LRPPRC: variants seen among roughly 807,000 people sequenced by gnomAD.
The protein encoded by LRPPRC is leucine rich pentatricopeptide repeat containing, also known as leucine-rich PPR motif-containing protein, mitochondrial.
A neutral mutation model predicts 180.3 loss-of-function variants in LRPPRC; 120 were observed. The observed-to-expected ratio is 0.67, with a 90% CI of 0.57 to 0.77. LRPPRC has a LOEUF of 0.77. LRPPRC is among the 30% of genes least tolerant of loss of function. LRPPRC has a pLI of 0.00. For missense variants in LRPPRC, 2,012 were observed against 1,657.2 expected (o/e 1.21, Z -3.72); for synonymous variants, 723 against 600.0 (o/e 1.21, Z -3.00).
intron 11 of LRPPRC, among the ~76,000 whole-genome samples, chr2:43,971,589 G>C (rs780609683): frequency 1.4e-5 from 2 of 143,840 alleles, no homozygotes; most frequent in Non-Finnish European, 1.5e-5. Context: ...GTTCCACTTT[G>C]TCTGATCCCC....
intron 36 of LRPPRC, chr2:43,890,229 AT>A (rs1355591201): frequency 4.6e-5 from 19 of 412,682 alleles, no homozygotes; most frequent in Non-Finnish European, 8.2e-5. Context: ...ACACCATTCA[AT>A]CCCCTTTGGC....
intron 30 of LRPPRC, among the ~76,000 whole-genome samples, chr2:43,909,200 T>G (rs1054522161): frequency 3.9e-5 from 6 of 152,286 alleles, no homozygotes; most frequent in African/African-American, 1.2e-4. Flanking sequence ...ACTCAACAAT[T>G]TAACCCATGA....
At chr2:43,907,566 A>G (rs1671105537) in intron 30 of LRPPRC, among the ~76,000 whole-genome samples, 3 of 152,184 alleles carry the variant, frequency 2.0e-5, no homozygotes, top group African/African-American at 7.2e-5. Flanking sequence ...GCCACTAGCC[A>G]CATGGCTACT....
chr2:43,926,438 G>T (rs1053195626), intron 25 of LRPPRC, among the ~76,000 whole-genome samples: 5 of 151,960 alleles, frequency 3.3e-5, no homozygotes, highest in Admixed American at 6.6e-5. Flanking sequence ...CATGATCTTG[G>T]CTCACTGCAA....
chr2:43,920,684 TAA>T (rs71393214), intron 27 of LRPPRC, among the ~76,000 whole-genome samples: 19,124 of 146,850 alleles, frequency 0.13, 1,521 homozygotes, highest in East Asian at 0.4. Flanking sequence ...TTATTTGATT[TAA>T]AAAAAAAAAA....
intron 2 of LRPPRC, among the ~76,000 whole-genome samples, chr2:43,980,774 A>T (rs1572575102): frequency 6.6e-6 from 1 of 152,200 alleles, no homozygotes; most frequent in East Asian, 1.9e-4. Context: ...GATTCCATTT[A>T]TATGAAATAT....
At chr2:43,912,905 ATAAATCGCAAAATGTGTGT>A (rs550791477) in intron 29 of LRPPRC, among the ~76,000 whole-genome samples, 1 of 152,322 alleles carries the variant, frequency 6.6e-6, no homozygotes, top group African/African-American at 2.4e-5. Context: ...TAGTTTCAAA[ATAAATCGCAAAATGTGTGT>A]TAAAGTCCAA....
At chr2:43,912,021 C>T (rs1162249559) in intron 30 of LRPPRC, among the ~76,000 whole-genome samples, 3 of 151,946 alleles carry the variant, frequency 2.0e-5, no homozygotes, top group Non-Finnish European at 4.4e-5. Context: ...GGTAATTTTC[C>T]CAAGGTCACA....
At position 43,979,913 on chromosome 2, in the gene LRPPRC, G is replaced by A. The variant is rs1487172105; in HGVS notation, c.382C>T (p.Arg128Cys). The A allele has an allele frequency of 3.7e-6, 6 of 1,613,706 alleles. No homozygotes were observed. The highest frequency in any genetic ancestry group is 2.2e-5 in the South Asian group (2 of 91,068). Residue 128 changes from arginine to cysteine, a missense_variant, in exon 3 of 38, where the codon CGT becomes TGT. Physicochemically the swap from Arg to Cys is radical, Grantham distance 180. Coordinates refer to ENST00000260665, the MANE Select transcript of LRPPRC (RefSeq NM_133259.4). ...TCAGGCAAGAGAGAACCACAACTACGTAGTAGAAGCAAGGCATGACTACCA... is the reference window on the plus strand; with the variant it reads ...TCAGGCAAGAGAGAACCACAACTACATAGTAGAAGCAAGGCATGACTACCA... Reference protein sequence around the residue: ...LGGSHALLLLRSCGSLLPELK... With the variant: ...LGGSHALLLLCSCGSLLPELK...
At chr2:43,975,956 T>C (rs1477967730) in intron 6 of LRPPRC, among the ~76,000 whole-genome samples, 187 bp downstream of exon 6, 1 of 152,220 alleles carries the variant, frequency 6.6e-6, no homozygotes, top group Non-Finnish European at 1.5e-5. Flanking sequence ...TATAAAAATA[T>C]TAGTATGCTC....
At position 43,957,407 on chromosome 2, in the gene LRPPRC, T is replaced by C. The variant is rs537472554; in HGVS notation, c.1627A>G (p.Ser543Gly). 5 of 1,613,354 alleles carry C rather than the reference T, an allele frequency of 3.1e-6. No individual in the cohort carries two copies. The South Asian group carries it at 5.5e-5, about 18-fold the overall frequency. The change falls in exon 14 of 38, where the codon AGC (serine) becomes GGC (glycine). Residue 543 changes from serine (S) to glycine (G), a missense_variant. Coordinates refer to ENST00000260665, the MANE Select transcript of LRPPRC (RefSeq NM_133259.4). ...LPISLQSIRS[S>G]LLLGFRRSMN... is the part of the protein sequence containing the mutation. ...TACCTCCTGAAGCCTAGCAGTAGGC[T>C]ACTTCTTATAGACTGCAGCGAGATG...
chr2:43,936,706 T>C (rs1672290959), intron 23 of LRPPRC, among the ~76,000 whole-genome samples: 1 of 152,182 alleles, frequency 6.6e-6, no homozygotes, highest in Non-Finnish European at 1.5e-5. Flanking sequence ...ACTCTTACCT[T>C]ATCCCCTTAC....
intron 31 of LRPPRC, chr2:43,902,893 G>A (rs1252027996): frequency 1.3e-5 from 2 of 152,082 alleles, no homozygotes; most frequent in African/African-American, 4.8e-5. Context: ...CAAACTTATT[G>A]AGCATTTACT....
intron 12 of LRPPRC, among the ~76,000 whole-genome samples, chr2:43,961,212 T>C (rs1429704215): frequency 6.6e-6 from 1 of 152,100 alleles, no homozygotes; most frequent in East Asian, 1.9e-4. Context: ...TAAATACTGT[T>C]ATGAAAAGGT....
intron 1 of LRPPRC, among the ~76,000 whole-genome samples, chr2:43,989,276 G>T (rs1674667415): frequency 6.6e-6 from 1 of 152,132 alleles, no homozygotes; most frequent in Admixed American, 6.5e-5. Flanking sequence ...GTAAATCACA[G>T]AATTTTAGAC....
Position 43,949,608 on chromosome 2 carries a change from G to T in LRPPRC, c.1729C>A (p.Pro577Thr), listed in dbSNP as rs77715964. The T allele has an allele frequency of 1.7e-5, 28 of 1,613,680 alleles. No homozygotes were observed. In the African/African-American group the frequency reaches 3.6e-4, roughly 21 times the overall value. ...ATCGAAATTGAAACGCTACCCGTCG[G>T]TCCTCGAGGCTCCTGGCAATAACGT... The part of the protein sequence containing the change: ...DGRYCQEPRG[P>T]TEAVGYFLYN... The change falls in exon 16 of 38, where the codon CCG becomes ACG. Residue 577 changes from proline to threonine, a missense_variant. By Grantham distance (38) the Pro-to-Thr change is conservative. Transcript: ENST00000260665.
rs1254606670 is a variant in LRPPRC, at chr2:43,959,122, GAT to G, written c.1582+1417_1582+1418del. 3 of 686,468 alleles carry G rather than the reference GAT, an allele frequency of 4.4e-6. No individual in the cohort carries two copies. The East Asian group carries it at 8.2e-5, about 19-fold the overall frequency. 42.5% of individuals were successfully genotyped at this position (686,468 alleles called of 1,614,324 possible). A position where few individuals can be genotyped will look rare whatever the true frequency, so the allele number is the denominator to read the frequency against. ...AGGTTGACAACGAAGTGGAATGGATGATATGATAAAAGGAAAAGGCAGCTCTC... is the reference window on the plus strand; with the variant it reads ...AGGTTGACAACGAAGTGGAATGGATGATGATAAAAGGAAAAGGCAGCTCTC... On this transcript the variant is annotated intron_variant, in intron 13 of 37. Transcript: ENST00000260665.
At chr2:43,970,721 C>G (rs1426214728) in intron 11 of LRPPRC, among the ~76,000 whole-genome samples, 1 of 152,218 alleles carries the variant, frequency 6.6e-6, no homozygotes, top group African/African-American at 2.4e-5. Context: ...GAACAACTTT[C>G]ACCAACTATG....
chr2:43,984,361 A>AT (rs780766675), intron 1 of LRPPRC, among the ~76,000 whole-genome samples: 40 of 152,338 alleles, frequency 2.6e-4, no homozygotes, highest in South Asian at 1.9e-3. Flanking sequence ...CCGCTACAGG[A>AT]TATTTTTTAA....
Sources: gnomAD v4.1 joint callset for allele counts (sites outside exome capture counted in the v4.1 genomes callset) on GRCh38, gnomAD v4.1.1 for gene constraint, MANE v1.5 for transcripts, NCBI Gene and HGNC (gene_info 2026-07-23, HGNC 2026-07-21) for gene names.